Variants in NCOA4 observed in about 807,000 individuals in gnomAD.
The protein encoded by NCOA4 is 70 kDa AR-activator.
In NCOA4, 31 loss-of-function variants were observed where a neutral mutation model predicts 69.5. That is an observed-to-expected ratio of 0.45 (90% confidence interval 0.34 to 0.60). The LOEUF (loss-of-function observed/expected upper bound fraction) is 0.60. NCOA4 is among the 20% of genes least tolerant of loss of function. The pLI is 0.02. For synonymous variants in NCOA4, 228 were observed against 252.4 expected (o/e 0.90, Z 0.92); for missense variants, 600 against 719.2 (o/e 0.83, Z 1.90).
Position 46,005,978 on chromosome 10 carries a change from T to C in NCOA4, c.*614A>G, listed in dbSNP as rs1377620686. 1 of 205,342 alleles carries C rather than the reference T, an allele frequency of 4.9e-6. No individual in the cohort carries two copies. The highest frequency in any genetic ancestry group is 7.5e-5 in the East Asian group (1 of 13,392). The allele number at this position is 205,342 out of a possible 1,614,324, so 12.7% of individuals were successfully genotyped here. On this transcript the variant is annotated 3_prime_UTR_variant, in exon 10 of 10. Coordinates refer to ENST00000581486, the MANE Select transcript of NCOA4 (RefSeq NM_001145263.2). ...AAAGACAAAATTTGCAGTAGCTGAGTTTAAGTGAAGAATAATGTAGAACTA... is the reference window on the plus strand; with the variant it reads ...AAAGACAAAATTTGCAGTAGCTGAGCTTAAGTGAAGAATAATGTAGAACTA...
At chr10:46,020,572 T>C (rs1422490044) in intron 1 of NCOA4, among the ~76,000 whole-genome samples, 1 of 152,174 alleles carries the variant, frequency 6.6e-6, no homozygotes, top group Non-Finnish European at 1.5e-5. Flanking sequence ...ACTTCCTAAT[T>C]CATATGTGAG....
At position 46,027,548 on chromosome 10, in the gene NCOA4, A is replaced by C. The variant is rs1254095134; in HGVS notation, c.-15+2978T>G. 7 of 1,422,328 alleles carry C rather than the reference A, an allele frequency of 4.9e-6. No individual in the cohort carries two copies. The Admixed American group carries it at 1.7e-4, about 34-fold the overall frequency. 88.1% of individuals were successfully genotyped at this position (1,422,328 alleles called of 1,614,324 possible). On this transcript the variant is annotated intron_variant, in intron 1 of 9. Transcript: ENST00000581486. ...ACATAACTGTATGAAAACAAAGTCA[A>C]GATGAAAACCTTGGATGAAAATTTT...
At position 46,023,668 on chromosome 10, in the gene NCOA4, G is replaced by A. The variant is rs185657278; in HGVS notation, c.-15+6858C>T. ...CTAGAAGGACCTCGGATGGCACCTG[G>A]GGCTCCTCTCCAGCCTCTCCTCTCC... On this transcript the variant is annotated intron_variant, in intron 1 of 9. Coordinates refer to ENST00000581486, the MANE Select transcript of NCOA4 (RefSeq NM_001145263.2). 2.2e-3 allele frequency among the ~76,000 whole-genome samples: 341 copies of A among 152,316 alleles called. 2 individuals are homozygous for A. Among genetic ancestry groups the A allele is most frequent in the African/African-American group, 7.8e-3 (326 of 41,554 alleles).
chr10:46,027,109 A>C (rs1352169058), intron 1 of NCOA4, among the ~76,000 whole-genome samples: 3 of 152,076 alleles, frequency 2.0e-5, no homozygotes, highest in Non-Finnish European at 4.4e-5. Flanking sequence ...TCTCTACTAA[A>C]AAACACAAAA....
At chr10:46,027,098 A>G (rs1215257670) in intron 1 of NCOA4, among the ~76,000 whole-genome samples, 1 of 151,998 alleles carries the variant, frequency 6.6e-6, no homozygotes, top group African/African-American at 2.4e-5. Context: ...GTGAAACCCC[A>G]TCTCTACTAA....
chr10:46,009,051 G>T (rs1181486172), intron 9 of NCOA4: 6 of 1,003,022 alleles, frequency 6.0e-6, no homozygotes, highest in Non-Finnish European at 7.4e-6. Context: ...TATGCAATGG[G>T]AAACCAAAGT....
rs71026286 is a variant in NCOA4, at chr10:46,012,070, G to GAAAAAAAAAAAAAAA, written c.714+798_714+812dup. On this transcript the variant is annotated intron_variant, in intron 7 of 9. Transcript: ENST00000581486. ...AGCAAGACTCGGTCTCAAAAAGAAA[G>GAAAAAAAAAAAAAAA]AAAAAAAAAAAAAAAAAAAAAAAAA... Among the ~76,000 whole-genome samples the GAAAAAAAAAAAAAAA allele has an allele frequency of 5.2e-3, 233 of 44,538 alleles. 30 individuals are homozygous for GAAAAAAAAAAAAAAA. The highest frequency in any genetic ancestry group is 6.9e-3 in the East Asian group (8 of 1,162). The allele number at this position is 44,538 out of a possible 152,430, so 29.2% of individuals were successfully genotyped here. A position where few individuals can be genotyped will look rare whatever the true frequency, so the allele number is the denominator to read the frequency against.
intron 1 of NCOA4, among the ~76,000 whole-genome samples, chr10:46,028,061 C>T (rs985237367): frequency 1.3e-5 from 2 of 152,194 alleles, no homozygotes; most frequent in Non-Finnish European, 2.9e-5. Context: ...TACTCTTCCC[C>T]TCTACCCTTA....
intron 1 of NCOA4, chr10:46,023,454 A>C (rs1316039597): frequency 4.2e-5 from 41 of 985,542 alleles, no homozygotes; most frequent in Non-Finnish European, 4.8e-5. Flanking sequence ...CGGCAACTCC[A>C]GTTCGCCCGG....
intron 6 of NCOA4, among the ~76,000 whole-genome samples, chr10:46,013,288 C>T (rs1839342825): frequency 6.6e-6 from 1 of 152,176 alleles, no homozygotes; most frequent in Admixed American, 6.5e-5. Context: ...GGATCGCTCA[C>T]AGAGAACCAG....
chr10:46,023,348 G>A, intron 1 of NCOA4: 1 of 985,610 alleles, frequency 1.0e-6, no homozygotes, highest in African/African-American at 1.7e-5. Context: ...CCAGGTCACC[G>A]ACTCACCAGC....
chr10:46,027,004 G>A (rs1412411429), intron 1 of NCOA4, among the ~76,000 whole-genome samples: 1 of 152,112 alleles, frequency 6.6e-6, no homozygotes, highest in East Asian at 1.9e-4. Context: ...GGTGGCTCAC[G>A]CCTGTAATCC....
At position 46,009,517 on chromosome 10, in the gene NCOA4, T is replaced by C. The variant is rs782500132; in HGVS notation, c.1733A>G (p.His578Arg). The C allele has an allele frequency of 6.2e-7, 1 of 1,610,934 alleles. No individual in the cohort carries two copies. The highest frequency in any genetic ancestry group is 8.5e-7 in the Non-Finnish European group (1 of 1,179,020). The change falls in exon 9 of 10, where the codon CAT becomes CGT. Residue 578 changes from histidine to arginine, a missense_variant. By Grantham distance (29) the His-to-Arg change is conservative. Coordinates refer to ENST00000581486, the MANE Select transcript of NCOA4 (RefSeq NM_001145263.2). ...VLLNSPLQEE[H>R]NFPPDHYGLP... ...GCCATAATGGTCTGGGGGGAAGTTA[T>C]GTTCCTCCTGTAGAGGTGAATTAAG...
intron 1 of NCOA4, among the ~76,000 whole-genome samples, chr10:46,025,719 A>G (rs1840124620): frequency 6.6e-6 from 1 of 152,048 alleles, no homozygotes. Flanking sequence ...ACTCCTCAAT[A>G]CTTTTGGCCA....
intron 9 of NCOA4, among the ~76,000 whole-genome samples, chr10:46,008,432 T>C (rs1245591738): frequency 6.6e-6 from 1 of 152,178 alleles, no homozygotes; most frequent in Admixed American, 6.5e-5. Flanking sequence ...ACTCAGGACT[T>C]CAGTGGAGGA....
intron 5 of NCOA4, 145 bp downstream of exon 5, chr10:46,014,299 G>C (rs1306079982): frequency 2.7e-5 from 17 of 624,290 alleles, no homozygotes; most frequent in Non-Finnish European, 3.6e-5. Flanking sequence ...TTACAGGCGT[G>C]AGCCACCACG....
chr10:46,017,773 C>T (rs1190477359), intron 1 of NCOA4, among the ~76,000 whole-genome samples: 1 of 152,088 alleles, frequency 6.6e-6, no homozygotes, highest in Non-Finnish European at 1.5e-5. Flanking sequence ...ATGGGAAGAA[C>T]AGCATATAAT....
intron 6 of NCOA4, 118 bp downstream of exon 6, chr10:46,013,432 A>C: frequency 1.4e-6 from 1 of 700,404 alleles, no homozygotes; most frequent in Non-Finnish European, 2.4e-6. Context: ...TTCATAAACT[A>C]ACTCATTGCC....
intron 1 of NCOA4, among the ~76,000 whole-genome samples, chr10:46,025,761 C>T (rs1412924795): frequency 6.6e-6 from 1 of 152,228 alleles, no homozygotes; most frequent in Non-Finnish European, 1.5e-5. Context: ...TGCATTACCA[C>T]TGTAATCTGT....
Sources: allele counts gnomAD v4.1 joint callset (sites outside exome capture counted in the v4.1 genomes callset), GRCh38; gene constraint gnomAD v4.1.1; transcripts MANE v1.5; gene names NCBI Gene and HGNC (gene_info 2026-07-23, HGNC 2026-07-21).